The following DGKQ variants were observed in gnomAD, a reference collection of about 807,000 sequenced individuals.
DGKQ encodes the protein diacylglycerol kinase theta.
In DGKQ, 97 loss-of-function variants were observed where a neutral mutation model predicts 104.2. The ratio of observed to expected loss-of-function variants is 0.93; its 90% confidence interval spans 0.79 to 1.10. DGKQ has a LOEUF of 1.10. Among genes scored for constraint, DGKQ ranks in the 50% least tolerant of loss-of-function variants. The pLI, the probability that DGKQ is intolerant of heterozygous loss-of-function variation, is 0.00. For synonymous variants in DGKQ, 736 were observed against 595.2 expected, an observed-to-expected ratio of 1.24 and a Z score of -3.44; for missense variants, 1,465 against 1,352.1, an observed-to-expected ratio of 1.08 and a Z score of -1.31.
In DGKQ at chr4:968,001, CAGCG is replaced by C. The variant is rs1478747124; in HGVS notation, c.686_689del (p.Ala229GlyfsTer71). 2 of 1,458,650 alleles carry C rather than the reference CAGCG, an allele frequency of 1.4e-6. No individual in the cohort carries two copies. The highest frequency in any genetic ancestry group is 1.8e-6 in the Non-Finnish European group (2 of 1,114,446). 90.4% of individuals were successfully genotyped at this position (1,458,650 alleles called of 1,614,324 possible). On this transcript the variant is annotated frameshift_variant, in exon 6 of 23. Transcript: ENST00000273814. LOFTEE classifies it high-confidence loss of function. ...GACGCCCGAAGCCACACTCGGGAGCCAGCGCCGCGGAGCAGAGGGAGTGCGCCTG... is the reference window on the plus strand; with the variant it reads ...GACGCCCGAAGCCACACTCGGGAGCCCCGCGGAGCAGAGGGAGTGCGCCTG...
At chr4:965,836 G>C in intron 13 of DGKQ, 92 bp downstream of exon 13, 3 of 1,384,406 alleles carry the variant, frequency 2.2e-6, no homozygotes, top group Admixed American at 2.5e-5. Context: ...GGCTCAAGGA[G>C]AGGCAGGAGC....
intron 10 of DGKQ, 33 bp from the exon 11 acceptor site, chr4:966,835 C>T (rs1466127778): frequency 1.9e-6 from 3 of 1,596,440 alleles, no homozygotes; most frequent in East Asian, 2.3e-5. Context: ...CGGGTCTGGG[C>T]AGGCCCCCAC....
At position 973,456 on chromosome 4, in the gene DGKQ, G is replaced by C; in HGVS notation, c.27C>G (p.Ala9=). MAAAAEPG[A]RAWLGGGSPR... Reference sequence around the variant, plus strand: ...GGGAGCCGCCGCCCAGCCAGGCGCGGGCCCCGGGCTCGGCCGCCGCCGCCA... The same window carrying C: ...GGGAGCCGCCGCCCAGCCAGGCGCGCGCCCCGGGCTCGGCCGCCGCCGCCA... Residue 9 remains alanine, a synonymous_variant, in exon 1 of 23, where the codon GCC becomes GCG. Transcript: ENST00000273814. 1 of 986,620 alleles carries C rather than the reference G, an allele frequency of 1.0e-6. No individual in the cohort carries two copies. Among genetic ancestry groups the C allele is most frequent in the Non-Finnish European group, 1.2e-6 (1 of 831,960 alleles). 61.1% of individuals were successfully genotyped at this position (986,620 alleles called of 1,614,324 possible). A position where few individuals can be genotyped will look rare whatever the true frequency, so the allele number is the denominator to read the frequency against.
At position 967,898 on chromosome 4, in the gene DGKQ, C is replaced by A; in HGVS notation, c.793G>T (p.Val265Leu). ...GFSKTQSFRIVEAAEPGEGGD... is the reference protein window; with the variant it reads ...GFSKTQSFRILEAAEPGEGGD... The stretch of plus-strand genomic sequence containing the variant: ...ACCTCACCCGGCTCCGCGGCCTCCA[C>A]GATGCGGAAGCTCTGCGTCTTGCTG... Residue 265 changes from valine to leucine, a missense_variant, in exon 6 of 23, where the codon GTG becomes TTG. Transcript: ENST00000273814. The A allele has an allele frequency of 2.1e-6, 3 of 1,451,920 alleles. No homozygotes were observed. Among genetic ancestry groups the A allele is most frequent in the Non-Finnish European group, 2.7e-6 (3 of 1,110,286 alleles). The allele number at this position is 1,451,920 out of a possible 1,614,324, so 89.9% of individuals were successfully genotyped here.
At chr4:963,089 C>T in intron 16 of DGKQ, 50 bp downstream of exon 16, 1 of 1,545,524 alleles carries the variant, frequency 6.5e-7, no homozygotes, top group Non-Finnish European at 8.7e-7. Flanking sequence ...CCTCCTGGGG[C>T]CCTTCCCGCC....
At chr4:961,419 CGGGGACGCCCACCCT>C (rs1711875110) in intron 21 of DGKQ, 33 bp downstream of exon 21, 3 of 1,536,076 alleles carry the variant, frequency 2.0e-6, no homozygotes. Context: ...CAGCGGGGAC[CGGGGACGCCCACCCT>C]GGGCTCGCCC....
intron 22 of DGKQ, 85 bp from the exon 23 acceptor site, chr4:960,806 G>A (rs908661134): frequency 4.3e-5 from 67 of 1,547,432 alleles, no homozygotes; most frequent in African/African-American, 5.4e-5. Context: ...CTGGGGCCCC[G>A]GGCAGCTGAT....
chr4:973,124 A>C, intron 1 of DGKQ, 88 bp downstream of exon 1: 1 of 1,342,416 alleles, frequency 7.4e-7, no homozygotes, highest in East Asian at 3.3e-5. Flanking sequence ...CACTCCCCCG[A>C]AAGCGCCGGT....
Position 966,093 on chromosome 4 carries a change from G to T in DGKQ, c.1429-15C>A. Reference sequence around the variant, plus strand: ...CGCACAGACATCTGCAGGGAGAGGGGCGGGGATGCTGGGCCGGGGAGAACG... The same window carrying T: ...CGCACAGACATCTGCAGGGAGAGGGTCGGGGATGCTGGGCCGGGGAGAACG... On this transcript the variant is annotated splice_polypyrimidine_tract_variant and intron_variant, in intron 12 of 22. Coordinates refer to ENST00000273814, the MANE Select transcript of DGKQ (RefSeq NM_001347.4). The T allele has an allele frequency of 6.3e-7, 1 of 1,588,028 alleles. No individual in the cohort carries two copies. Among genetic ancestry groups the T allele is most frequent in the African/African-American group, 1.3e-5 (1 of 74,812 alleles).
Position 966,545 on chromosome 4 carries a change from C to G in DGKQ, c.1367-18G>C, listed in dbSNP as rs201330133. 4.3e-5 allele frequency: 69 copies of G among 1,608,200 alleles called. No individual in the cohort carries two copies. Among genetic ancestry groups the G allele is most frequent in the African/African-American group, 2.7e-5 (2 of 74,990 alleles). ...CCGCTGGACTGCAGAGGTGAGGGCA[C>G]AGGCCGTCAGCACCCGGCTCCTCGC... On this transcript the variant is annotated intron_variant, in intron 11 of 22. Transcript: ENST00000273814.
Position 973,309 on chromosome 4 carries a change from C to A in DGKQ, c.174G>T (p.Ala58=), listed in dbSNP as rs747671783. The A allele has an allele frequency of 3.4e-6, 5 of 1,488,630 alleles. No homozygotes were observed. In the East Asian group the frequency reaches 1.2e-4, roughly 36 times the overall value. 92.2% of individuals were successfully genotyped at this position (1,488,630 alleles called of 1,614,324 possible). A position where few individuals can be genotyped will look rare whatever the true frequency, so the allele number is the denominator to read the frequency against. Residue 58 remains alanine (A), a synonymous_variant, in exon 1 of 23, where the codon GCG becomes GCT. Transcript: ENST00000273814. Reference sequence around the variant, plus strand: ...TCACCTTCCGGAAGCTGTGTCCCGGCGCGGCAGCGGGGCCCGGGGCTCTGA... The same window carrying A: ...TCACCTTCCGGAAGCTGTGTCCCGGAGCGGCAGCGGGGCCCGGGGCTCTGA... The part of the protein sequence containing the change: ...AGVRAPGPAA[A]PGHSFRKVTL...
In DGKQ at chr4:963,292, T is replaced by C; in HGVS notation, c.1735-2A>G. On this transcript the variant is annotated splice_acceptor_variant, in intron 15 of 22. Coordinates refer to ENST00000273814, the MANE Select transcript of DGKQ (RefSeq NM_001347.4). LOFTEE classifies it high-confidence loss of function. Reference sequence around the variant, plus strand: ...GCTGTCTGGGGGCAGCTTCGCGTGCTGACAGACAGGGGGCTGGGTTAGGAT... The same window carrying C: ...GCTGTCTGGGGGCAGCTTCGCGTGCCGACAGACAGGGGGCTGGGTTAGGAT... The C allele has an allele frequency of 6.3e-7, 1 of 1,599,226 alleles. No homozygotes were observed. The highest frequency in any genetic ancestry group is 8.6e-7 in the Non-Finnish European group (1 of 1,169,306).
Position 968,295 on chromosome 4 carries a change from C to G in DGKQ, c.650G>C (p.Trp217Ser). The G allele has an allele frequency of 2.0e-6, 3 of 1,504,632 alleles. No homozygotes were observed. Among genetic ancestry groups the G allele is most frequent in the Non-Finnish European group, 2.7e-6 (3 of 1,130,572 alleles). 93.2% of individuals were successfully genotyped at this position (1,504,632 alleles called of 1,614,324 possible). A position where few individuals can be genotyped will look rare whatever the true frequency, so the allele number is the denominator to read the frequency against. The change falls in exon 5 of 23, where the codon TGG becomes TCG. Residue 217 changes from tryptophan (W) to serine (S), a missense_variant. Trp to Ser is a radical substitution (Grantham distance 177). Transcript: ENST00000273814. Reference protein sequence around the residue: ...SDVLAGVRCEWCGVQAHSLCS... With the variant: ...SDVLAGVRCESCGVQAHSLCS... ...CCCAGCGCCCACCTGGACCCCGCAC[C>G]ACTCGCAGCGCACGCCGGCCAGCAC...
chr4:963,332 G>C, intron 15 of DGKQ, 42 bp from the exon 16 acceptor site: 1 of 1,561,886 alleles, frequency 6.4e-7, no homozygotes, highest in Non-Finnish European at 8.7e-7. Flanking sequence ...ACCCAAGGTG[G>C]GGTGTCCCCA....
chr4:965,506 T>C lies in DGKQ; in HGVS notation c.1603A>G (p.Ile535Val). ...GGCAGCTCACCTTGGGAGGAGTAGA[T>C]GTGACTCACGGACACCACGGTGGCT... ...TKATVVSVSH[I>V]YSSQGAVVLD... Residue 535 changes from isoleucine (I) to valine (V), a missense_variant, in exon 14 of 23, where the codon ATC becomes GTC. Ile to Val is a conservative substitution (Grantham distance 29). Coordinates refer to ENST00000273814, the MANE Select transcript of DGKQ (RefSeq NM_001347.4). The C allele has an allele frequency of 6.2e-7, 1 of 1,611,954 alleles. No individual in the cohort carries two copies. The highest frequency in any genetic ancestry group is 8.5e-7 in the Non-Finnish European group (1 of 1,179,624).
chr4:968,422 C>G lies in DGKQ; in HGVS notation c.538-15G>C, dbSNP rs1373247310. On this transcript the variant is annotated splice_polypyrimidine_tract_variant and intron_variant, in intron 4 of 22. Coordinates refer to ENST00000273814, the MANE Select transcript of DGKQ (RefSeq NM_001347.4). ...TGATGGGTGTCCTGCAGAGCGGGGG[C>G]AGTCAGCAGCTGGGCCCGCCCCACC... 1 of 1,585,242 alleles carries G rather than the reference C, an allele frequency of 6.3e-7. No individual in the cohort carries two copies. Among genetic ancestry groups the G allele is most frequent in the Non-Finnish European group, 8.6e-7 (1 of 1,166,808 alleles).
Position 967,695 on chromosome 4 carries a change from A to C in DGKQ, c.886+33T>G, listed in dbSNP as rs201665313. 1,526 of 1,611,870 alleles carry C rather than the reference A, an allele frequency of 9.5e-4. 12 individuals carry two copies. Among genetic ancestry groups the C allele is most frequent in the Non-Finnish European group, 6.5e-4 (769 of 1,179,506 alleles). On this transcript the variant is annotated intron_variant, in intron 7 of 22. Transcript: ENST00000273814. ...GAGTCCCGGGCGCCCGGGGGACCTC[A>C]GTGGAGTTGGGGGGAATGAGGCGGG...
At chr4:970,571 C>T (rs11248060) in intron 2 of DGKQ, among the ~76,000 whole-genome samples, 14,477 of 152,206 alleles carry the variant, frequency 0.095, 954 homozygotes, top group South Asian at 0.22. Flanking sequence ...TGTGAGGAAA[C>T]TGAACAGACC....
At chr4:961,005 A>T in intron 22 of DGKQ, 44 bp downstream of exon 22, 1 of 1,603,496 alleles carries the variant, frequency 6.2e-7, no homozygotes. Context: ...TGGCCGGCCC[A>T]GCCCGGCCCA....
Sources: gnomAD v4.1 joint callset for allele counts (sites outside exome capture counted in the v4.1 genomes callset) on GRCh38, gnomAD v4.1.1 for gene constraint, MANE v1.5 for transcripts, NCBI Gene and HGNC (gene_info 2026-07-23, HGNC 2026-07-21) for gene names.